The following ADAMTSL3 variants were observed in gnomAD, a reference collection of about 807,000 sequenced individuals.
ADAMTSL3 encodes the protein ADAMTS like 3.
In ADAMTSL3, 128 loss-of-function variants were observed where a neutral mutation model predicts 201.7. The observed-to-expected ratio is 0.63, with a 90% CI of 0.55 to 0.73. ADAMTSL3 has a LOEUF of 0.73. Ranked by LOEUF, ADAMTSL3 falls within the 30% of genes least tolerant of loss-of-function variation. The probability of loss-of-function intolerance (pLI) is 0.00; values close to 1 mark genes in which losing one functional copy is unlikely to be tolerated. For synonymous variants in ADAMTSL3, 738 were observed against 748.4 expected (o/e 0.99, Z 0.23); for missense variants, 1,990 against 2,119.6 (o/e 0.94, Z 1.20).
intron 19 of ADAMTSL3, chr15:83,962,470 G>A (rs893368170): frequency 2.0e-5 from 3 of 151,936 alleles, no homozygotes; most frequent in South Asian, 4.2e-4. Context: ...GTTCTTTCGG[G>A]AATTAATCAT....
chr15:83,865,500 C>G (rs2064956685), intron 8 of ADAMTSL3, among the ~76,000 whole-genome samples: 1 of 152,108 alleles, frequency 6.6e-6, no homozygotes, highest in Non-Finnish European at 1.5e-5. Context: ...CCGACAAAAA[C>G]AAGAAATGGG....
chr15:83,974,998 CTTTTT>C (rs35557833), intron 20 of ADAMTSL3, among the ~76,000 whole-genome samples: 1 of 96,150 alleles, frequency 1.0e-5, no homozygotes, highest in Non-Finnish European at 2.0e-5. Flanking sequence ...CAGCCTGCGT[CTTTTT>C]TTTTTTTTTT....
intron 7 of ADAMTSL3, among the ~76,000 whole-genome samples, chr15:83,843,640 G>A (rs528290324): frequency 1.3e-5 from 2 of 152,192 alleles, no homozygotes; most frequent in African/African-American, 4.8e-5. Context: ...CAGAATCTAC[G>A]CAGCTCCTAC....
At chr15:83,894,557 CTCT>C (rs1393479324) in intron 13 of ADAMTSL3, among the ~76,000 whole-genome samples, 3 of 152,080 alleles carry the variant, frequency 2.0e-5, no homozygotes, top group Non-Finnish European at 2.9e-5. Flanking sequence ...CAGGGGCGAG[CTCT>C]TCTTTAACAA....
intron 3 of ADAMTSL3, among the ~76,000 whole-genome samples, chr15:83,765,800 A>T (rs982057213): frequency 7.2e-5 from 11 of 152,320 alleles, no homozygotes; most frequent in African/African-American, 2.6e-4. Flanking sequence ...TGAACCAAAC[A>T]ACACAAAGTG....
chr15:83,698,793 C>G (rs949281942), intron 2 of ADAMTSL3, among the ~76,000 whole-genome samples: 50 of 152,174 alleles, frequency 3.3e-4, no homozygotes, highest in African/African-American at 1.2e-3. Flanking sequence ...CTACCCTTGT[C>G]AAAGTCAACG....
intron 17 of ADAMTSL3, among the ~76,000 whole-genome samples, chr15:83,935,559 T>C (rs949637792): frequency 4.0e-5 from 6 of 151,150 alleles, no homozygotes; most frequent in African/African-American, 1.5e-4. Flanking sequence ...GGAAAAAAAA[T>C]ACACACTCAG....
intron 2 of ADAMTSL3, among the ~76,000 whole-genome samples, chr15:83,686,718 C>A (rs971702648): frequency 6.6e-6 from 1 of 152,158 alleles, no homozygotes; most frequent in African/African-American, 2.4e-5. Flanking sequence ...CCAAAGACTG[C>A]ATCTTGGTGA....
At chr15:83,807,890 G>T (rs1284275893) in intron 5 of ADAMTSL3, among the ~76,000 whole-genome samples, 2 of 152,196 alleles carry the variant, frequency 1.3e-5, no homozygotes, top group Non-Finnish European at 2.9e-5. Flanking sequence ...ACTGGGGAAA[G>T]GACAGTGTCT....
intron 26 of ADAMTSL3, 23 bp downstream of exon 26, chr15:84,021,616 T>C: frequency 6.2e-7 from 1 of 1,608,704 alleles, no homozygotes; most frequent in Non-Finnish European, 8.5e-7. Context: ...ACTCTTTGTA[T>C]CTCATCAACA....
At position 83,997,406 on chromosome 15, in the gene ADAMTSL3, G is replaced by GTAGAC. The variant is rs2067707286; in HGVS notation, c.3973+6192_3973+6193insTAGAC. 2.0e-5 allele frequency among the ~76,000 whole-genome samples: 3 copies of GTAGAC among 152,160 alleles called. No individual in the cohort carries two copies. The South Asian group carries it at 6.2e-4, about 32-fold the overall frequency. On this transcript the variant is annotated intron_variant, in intron 23 of 29. Transcript: ENST00000286744. ...AGTTTGAGACCAGCCTGGCCAATAT[G>GTAGAC]ATGAAACCCTGTCTCTACTAAAAAT... is the stretch of plus-strand genomic sequence containing the variant.
At chr15:83,944,940 A>G (rs746223242) in intron 19 of ADAMTSL3, among the ~76,000 whole-genome samples, 11 of 152,232 alleles carry the variant, frequency 7.2e-5, no homozygotes, top group African/African-American at 2.7e-4. Flanking sequence ...GGTTGGATTA[A>G]CAGTATTTCT....
chr15:83,678,634 A>G (rs1163879534), intron 2 of ADAMTSL3, among the ~76,000 whole-genome samples: 1 of 150,922 alleles, frequency 6.6e-6, no homozygotes, highest in African/African-American at 2.4e-5. Context: ...TATGCTGTTT[A>G]GAATTCAGAT....
chr15:83,733,859 G>T lies in ADAMTSL3; in HGVS notation c.189+29351G>T, dbSNP rs74024552. 4.7e-3 allele frequency among the ~76,000 whole-genome samples: 721 copies of T among 152,148 alleles called. 5 individuals carry two copies. Among genetic ancestry groups the T allele is most frequent in the African/African-American group, 0.017 (692 of 41,528 alleles). ...GAATGACTTAGATAATTTATTTGGC[G>T]TAGTGCCCAGTAAAAGCATGGAAGT... On this transcript the variant is annotated intron_variant, in intron 3 of 29. Transcript: ENST00000286744.
At chr15:83,681,130 G>T (rs1239956781) in intron 2 of ADAMTSL3, among the ~76,000 whole-genome samples, 1 of 152,190 alleles carries the variant, frequency 6.6e-6, no homozygotes, top group African/African-American at 2.4e-5. Context: ...ATACCAGCTA[G>T]AATAGGCTAT....
At chr15:83,803,651 C>T (rs143191106) in intron 4 of ADAMTSL3, among the ~76,000 whole-genome samples, 62 of 152,116 alleles carry the variant, frequency 4.1e-4, no homozygotes, top group African/African-American at 1.3e-3. Context: ...GGAGAGTACC[C>T]GTTGGATGGA....
chr15:83,957,812 G>T (rs575783397), intron 19 of ADAMTSL3, among the ~76,000 whole-genome samples: 1 of 152,146 alleles, frequency 6.6e-6, no homozygotes, highest in Non-Finnish European at 1.5e-5. Flanking sequence ...AGTTATAATT[G>T]CGTGAATCAT....
At chr15:83,893,001 G>A (rs574348182) in intron 13 of ADAMTSL3, 113 bp downstream of exon 13, 4 of 1,029,024 alleles carry the variant, frequency 3.9e-6, no homozygotes, top group East Asian at 5.2e-5. Context: ...TGGTAAAAGA[G>A]CATGGTTCCT....
chr15:83,685,263 T>C (rs1203659125), intron 2 of ADAMTSL3, among the ~76,000 whole-genome samples: 1 of 152,208 alleles, frequency 6.6e-6, no homozygotes, highest in Non-Finnish European at 1.5e-5. Flanking sequence ...TATATACCTT[T>C]TCTCAGTCTT....
Sources: gnomAD v4.1 joint callset for allele counts (sites outside exome capture counted in the v4.1 genomes callset) on GRCh38, gnomAD v4.1.1 for gene constraint, MANE v1.5 for transcripts, NCBI Gene and HGNC (gene_info 2026-07-23, HGNC 2026-07-21) for gene names.